Variants in DLG2 observed in about 807,000 individuals in gnomAD.
The protein encoded by DLG2 is disks large homolog 2.
Under a neutral mutation model 132.5 loss-of-function variants are expected in DLG2, and 45 were observed. The ratio of observed to expected loss-of-function variants is 0.34; its 90% CI spans 0.27 to 0.44. DLG2 has a LOEUF of 0.44. Among genes scored for constraint, DLG2 ranks in the 20% least tolerant of loss-of-function variants. The pLI is 1.00. For synonymous variants in DLG2, 424 were observed against 419.6 expected, an observed-to-expected ratio of 1.01 and a Z score of -0.13; for missense variants, 1,045 against 1,196.9, an observed-to-expected ratio of 0.87 and a Z score of 1.87.
At chr11:83,668,683 GTATATATATGTGTATATAAACA>G in intron 18 of DLG2, among the ~76,000 whole-genome samples, 1 of 144,460 alleles carries the variant, frequency 6.9e-6, no homozygotes, top group Non-Finnish European at 1.5e-5. Flanking sequence ...ATATGTATGT[GTATATATATGTGTATATAAACA>G]CATATATATG....
chr11:83,906,238 C>CTG (rs1596248491), intron 15 of DLG2, among the ~76,000 whole-genome samples: 1 of 87,852 alleles, frequency 1.1e-5, no homozygotes, highest in East Asian at 2.6e-4. Context: ...AGATGTCTCT[C>CTG]TCTCTCTCTC....
Position 84,946,840 on chromosome 11 carries a change from C to T in DLG2, c.357+164821G>A, listed in dbSNP as rs553960182. ...GACTGCCTTTCAAATTTATTTAGAG[C>T]CCCAGAGCCCTTTAGCATGCAATGG... is the stretch of plus-strand genomic sequence containing the variant. On this transcript the variant is annotated intron_variant, in intron 6 of 27. Transcript: ENST00000376104. Among the ~76,000 whole-genome samples the T allele has an allele frequency of 3.2e-4, 48 of 152,230 alleles. No homozygotes were observed. In the South Asian group the frequency reaches 7.7e-3, roughly 24 times the overall value.
At chr11:84,511,051 G>A (rs1238209791) in intron 7 of DLG2, among the ~76,000 whole-genome samples, 1 of 152,068 alleles carries the variant, frequency 6.6e-6, no homozygotes, top group Non-Finnish European at 1.5e-5. Flanking sequence ...TCCAGAAGGA[G>A]AAAATATATC....
At chr11:84,905,277 C>G (rs2091375948) in intron 6 of DLG2, among the ~76,000 whole-genome samples, 1 of 152,128 alleles carries the variant, frequency 6.6e-6, no homozygotes. Flanking sequence ...TCTTCTTTTT[C>G]TACTTCTTTA....
intron 6 of DLG2, among the ~76,000 whole-genome samples, chr11:84,781,694 G>T (rs1183529164): frequency 6.6e-6 from 1 of 152,126 alleles, no homozygotes; most frequent in Non-Finnish European, 1.5e-5. Context: ...AGTAGTTATA[G>T]TTGAGACAAA....
intron 7 of DLG2, among the ~76,000 whole-genome samples, chr11:84,363,022 C>G (rs1319467254): frequency 6.6e-6 from 1 of 151,288 alleles, no homozygotes; most frequent in Non-Finnish European, 1.5e-5. Context: ...TGGGTATATA[C>G]CCAGTAATGG....
intron 3 of DLG2, among the ~76,000 whole-genome samples, chr11:85,479,845 C>G (rs941440044): frequency 1.3e-5 from 2 of 152,124 alleles, no homozygotes; most frequent in African/African-American, 4.8e-5. Flanking sequence ...AGATGGCTGT[C>G]TTCTCCCAAT....
intron 11 of DLG2, among the ~76,000 whole-genome samples, chr11:84,006,614 A>G (rs1029983794): frequency 1.3e-4 from 19 of 151,520 alleles, no homozygotes; most frequent in Admixed American, 2.0e-4. Context: ...TACATATTCT[A>G]TGCATGTAAC....
chr11:83,705,233 C>T (rs1394054832), intron 18 of DLG2, among the ~76,000 whole-genome samples: 1 of 152,202 alleles, frequency 6.6e-6, no homozygotes, highest in Non-Finnish European at 1.5e-5. Flanking sequence ...CAGGCTAAAT[C>T]TTCAATGTAA....
intron 11 of DLG2, among the ~76,000 whole-genome samples, chr11:84,018,497 A>T (rs1394650584): frequency 1.3e-5 from 2 of 152,038 alleles, no homozygotes; most frequent in African/African-American, 2.4e-5. Context: ...AACAAAATTG[A>T]TAGAAATATT....
rs182002115 is a variant in DLG2, at chr11:84,002,861, T to C, written c.920-22219A>G. ...TGAATTTCTTTTCAGAAAATTGTTT[T>C]ATCTTTTCTACTGCATTGTCAGGTT... On this transcript the variant is annotated intron_variant, in intron 11 of 27. Coordinates refer to ENST00000376104, the MANE Select transcript of DLG2 (RefSeq NM_001142699.3). 1.2e-3 allele frequency among the ~76,000 whole-genome samples: 177 copies of C among 152,338 alleles called. 1 individual carries two copies. Among genetic ancestry groups the C allele is most frequent in the Non-Finnish European group, 1.3e-3 (88 of 68,034 alleles).
chr11:84,967,399 A>G (rs2053497078), intron 6 of DLG2, among the ~76,000 whole-genome samples: 1 of 152,138 alleles, frequency 6.6e-6, no homozygotes, highest in African/African-American at 2.4e-5. Flanking sequence ...AAGAGACTAC[A>G]AAACAAACAC....
intron 7 of DLG2, among the ~76,000 whole-genome samples, chr11:84,468,236 A>T (rs2099099667): frequency 6.6e-6 from 1 of 151,544 alleles, no homozygotes; most frequent in Admixed American, 6.6e-5. Context: ...GGTTGAGTGG[A>T]TAACTTTGGG....
At chr11:84,087,442 G>A (rs10792717) in intron 10 of DLG2, among the ~76,000 whole-genome samples, 95,427 of 152,044 alleles carry the variant, frequency 0.63, 32,261 homozygotes, top group Middle Eastern at 0.79. Context: ...TTGGCCATTT[G>A]CATATCTTAT....
At chr11:85,416,619 G>A (rs1469116942) in intron 3 of DLG2, among the ~76,000 whole-genome samples, 1 of 152,066 alleles carries the variant, frequency 6.6e-6, no homozygotes, top group Non-Finnish European at 1.5e-5. Flanking sequence ...TCATTTCCTT[G>A]AGCAGTGGTT....
At chr11:85,353,156 C>A (rs891543392) in intron 3 of DLG2, among the ~76,000 whole-genome samples, 2 of 152,112 alleles carry the variant, frequency 1.3e-5, no homozygotes, top group Non-Finnish European at 2.9e-5. Flanking sequence ...AAACAAACAA[C>A]CCCATCAAAA....
chr11:84,208,739 C>T (rs1442449059), intron 8 of DLG2, among the ~76,000 whole-genome samples: 2 of 152,142 alleles, frequency 1.3e-5, no homozygotes, highest in South Asian at 2.1e-4. Flanking sequence ...AGGAAGTGTA[C>T]ACTGTACATA....
intron 3 of DLG2, among the ~76,000 whole-genome samples, chr11:85,298,391 A>G (rs1439491642): frequency 6.6e-6 from 1 of 152,170 alleles, no homozygotes; most frequent in African/African-American, 2.4e-5. Context: ...CACAACTTCA[A>G]TTGTGTGCTC....
intron 19 of DLG2, among the ~76,000 whole-genome samples, chr11:83,603,814 T>C (rs1231535218): frequency 6.6e-6 from 1 of 152,218 alleles, no homozygotes; most frequent in African/African-American, 2.4e-5. Context: ...ACCCATTTTC[T>C]ATAGGGCTGT....
Sources: gnomAD v4.1 joint callset for allele counts (sites outside exome capture counted in the v4.1 genomes callset) on GRCh38, gnomAD v4.1.1 for gene constraint, MANE v1.5 for transcripts, NCBI Gene and HGNC (gene_info 2026-07-23, HGNC 2026-07-21) for gene names.